CROT: variants seen among roughly 807,000 people sequenced by gnomAD.
The protein encoded by CROT is peroxisomal carnitine O-octanoyltransferase.
Under a neutral mutation model 89.2 loss-of-function variants are expected in CROT, and 84 were observed. The ratio of observed to expected loss-of-function variants is 0.94; its 90% CI spans 0.79 to 1.13. The LOEUF (loss-of-function observed/expected upper bound fraction) is 1.13. Ranked by LOEUF, CROT falls within the 50% of genes most tolerant of loss-of-function variation. CROT has a pLI of 0.00. For missense variants in CROT, 711 were observed against 727.8 expected, an observed-to-expected ratio of 0.98 and a Z score of 0.27; for synonymous variants, 212 against 239.5, an observed-to-expected ratio of 0.89 and a Z score of 1.06.
In CROT at chr7:87,391,726, A is replaced by G; in HGVS notation, c.1425+14A>G. The G allele has an allele frequency of 6.3e-7, 1 of 1,598,506 alleles. No individual in the cohort carries two copies. The highest frequency in any genetic ancestry group is 8.5e-7 in the Non-Finnish European group (1 of 1,175,534). ...CCTTCTGTCAATGTGAGTATTGGAA[A>G]GGAAAAAAACTCACAAGATTTGTTT... On this transcript the variant is annotated intron_variant, in intron 14 of 17. Coordinates refer to ENST00000331536, the MANE Select transcript of CROT (RefSeq NM_021151.4).
At position 87,359,267 on chromosome 7, in the gene CROT, A is replaced by T. The variant is rs369574948; in HGVS notation, c.177A>T (p.Gln59His). ...KKTEEIVQKF[Q>H]SGIGEKLHQK... Reference sequence around the variant, plus strand: ...CTGAAGAAATAGTTCAAAAATTTCAAAGTGGGATTGGAGAAAAATTGCACC... The same window carrying T: ...CTGAAGAAATAGTTCAAAAATTTCATAGTGGGATTGGAGAAAAATTGCACC... Residue 59 changes from glutamine (Q) to histidine (H), a missense_variant, in exon 4 of 18, where the codon CAA (glutamine) becomes CAT (histidine). Gln to His is a conservative substitution (Grantham distance 24). Coordinates refer to ENST00000331536, the MANE Select transcript of CROT (RefSeq NM_021151.4). 6.3e-7 allele frequency: 1 copy of T among 1,597,630 alleles called. No individual in the cohort carries two copies.
intron 3 of CROT, among the ~76,000 whole-genome samples, chr7:87,354,004 TAA>T (rs1805971280): frequency 6.6e-6 from 1 of 152,232 alleles, no homozygotes; most frequent in African/African-American, 2.4e-5. Flanking sequence ...TTTATAACTT[TAA>T]TAAATCCCAG....
Position 87,361,398 on chromosome 7 carries a change from G to C in CROT, c.249G>C (p.Glu83Asp). ...TTCTCAATTTCTTTTAGCTGGAAGAGTGGTGGCTGAATGTTGCCTATCTGG... is the reference window on the plus strand; with the variant it reads ...TTCTCAATTTCTTTTAGCTGGAAGACTGGTGGCTGAATGTTGCCTATCTGG... ...RAKGKRNWLE[E>D]WWLNVAYLDV... The change falls in exon 5 of 18, where the codon GAG (glutamate) becomes GAC (aspartate). Residue 83 changes from glutamate to aspartate, a missense_variant. Transcript: ENST00000331536. 1 of 1,613,140 alleles carries C rather than the reference G, an allele frequency of 6.2e-7. No homozygotes were observed. The highest frequency in any genetic ancestry group is 8.5e-7 in the Non-Finnish European group (1 of 1,179,788).
At chr7:87,350,691 A>G (rs945436655) in intron 3 of CROT, among the ~76,000 whole-genome samples, 6 of 152,208 alleles carry the variant, frequency 3.9e-5, no homozygotes, top group Admixed American at 3.9e-4. Flanking sequence ...AAGGATGAGC[A>G]TGCAATCTTA....
chr7:87,367,949 G>A (rs1416935404), intron 6 of CROT, among the ~76,000 whole-genome samples: 1 of 152,108 alleles, frequency 6.6e-6, no homozygotes, highest in Non-Finnish European at 1.5e-5. Flanking sequence ...ACAGCTGGAG[G>A]GATCTTTTTA....
intron 3 of CROT, among the ~76,000 whole-genome samples, chr7:87,355,778 A>G (rs1443507315): frequency 6.6e-6 from 1 of 152,172 alleles, no homozygotes. Flanking sequence ...AACCTGGGGA[A>G]TATGAGTATT....
rs772291596 is a variant in CROT at position 87,382,222 on chromosome 7, C to T, written c.1170+41C>T. 27 of 1,518,032 alleles carry T rather than the reference C, an allele frequency of 1.8e-5. No homozygotes were observed. In the African/African-American group the frequency reaches 3.1e-4, roughly 17 times the overall value. The allele number at this position is 1,518,032 out of a possible 1,614,324, so 94.0% of individuals were successfully genotyped here. On this transcript the variant is annotated intron_variant, in intron 12 of 17. Coordinates refer to ENST00000331536, the MANE Select transcript of CROT (RefSeq NM_021151.4). ...TTCTCTTAAATAATAATGATTTTTT[C>T]TTTTAACAACCATATGTAAAAATTT... is the stretch of plus-strand genomic sequence containing the variant.
intron 3 of CROT, among the ~76,000 whole-genome samples, chr7:87,351,425 A>C (rs1805867085): frequency 6.6e-6 from 1 of 151,862 alleles, no homozygotes; most frequent in Non-Finnish European, 1.5e-5. Context: ...GGTAAGCCTG[A>C]GGTTGATGAA....
At chr7:87,347,563 TAGAA>T (rs1387760542) in intron 2 of CROT, among the ~76,000 whole-genome samples, 1 of 152,234 alleles carries the variant, frequency 6.6e-6, no homozygotes, top group Non-Finnish European at 1.5e-5. Flanking sequence ...AGTCAATAGA[TAGAA>T]AGAAGCTAAA....
chr7:87,395,561 G>T (rs1352559151), intron 17 of CROT, among the ~76,000 whole-genome samples: 2 of 152,208 alleles, frequency 1.3e-5, no homozygotes, highest in African/African-American at 4.8e-5. Context: ...GACTGCCTTT[G>T]TCTGTAAAGC....
intron 15 of CROT, 35 bp downstream of exon 15, chr7:87,392,679 T>C: frequency 6.2e-7 from 1 of 1,610,348 alleles, no homozygotes; most frequent in African/African-American, 1.3e-5. Flanking sequence ...CTTAAAAATC[T>C]CTCATGGTGA....
At chr7:87,365,796 G>A (rs768334734) in intron 6 of CROT, among the ~76,000 whole-genome samples, 1 of 151,864 alleles carries the variant, frequency 6.6e-6, no homozygotes, top group African/African-American at 2.4e-5. Context: ...TGTAGAGACC[G>A]AGTTTTGCCA....
At chr7:87,378,996 C>T (rs760102299) in intron 10 of CROT, among the ~76,000 whole-genome samples, 8 of 152,220 alleles carry the variant, frequency 5.3e-5, no homozygotes, top group Non-Finnish European at 1.0e-4. Context: ...TTTGAGTCTA[C>T]TGTTGACAGA....
intron 12 of CROT, 56 bp downstream of exon 12, chr7:87,382,237 TG>T: frequency 6.7e-7 from 1 of 1,482,944 alleles, no homozygotes; most frequent in Middle Eastern, 1.8e-4. Context: ...AACAACCATA[TG>T]TAAAAATTTG....
chr7:87,361,455 C>T lies in CROT; in HGVS notation c.306C>T (p.Asn102=). Residue 102 remains asparagine, a synonymous_variant, in exon 5 of 18, where the codon AAC becomes AAT. Transcript: ENST00000331536. Reference sequence around the variant, plus strand: ...GTATACCATCACAATTGAATGTCAACTTTGCGGGTCCTGCAGCTCATTTTG... The same window carrying T: ...GTATACCATCACAATTGAATGTCAATTTTGCGGGTCCTGCAGCTCATTTTG... ...DVRIPSQLNV[N]FAGPAAHFEH... 2 of 1,613,994 alleles carry T rather than the reference C, an allele frequency of 1.2e-6. No individual in the cohort carries two copies. Among genetic ancestry groups the T allele is most frequent in the Non-Finnish European group, 1.7e-6 (2 of 1,179,964 alleles).
Position 87,382,093 on chromosome 7 carries a change from A to G in CROT, c.1082A>G (p.Asp361Gly). 6.2e-7 allele frequency: 1 copy of G among 1,612,910 alleles called. No individual in the cohort carries two copies. The change falls in exon 12 of 18, where the codon GAT (aspartate) becomes GGT (glycine). Residue 361 changes from aspartate (D) to glycine (G), a missense_variant. Coordinates refer to ENST00000331536, the MANE Select transcript of CROT (RefSeq NM_021151.4). ...GRWKGSEKVRDIPLPEELIFI... is the reference protein window; with the variant it reads ...GRWKGSEKVRGIPLPEELIFI... ...TTTCAGGGTTCAGAGAAGGTACGAG[A>G]TATACCACTTCCAGAAGAGCTCATT...
chr7:87,379,356 A>T (rs1806917222), intron 10 of CROT, among the ~76,000 whole-genome samples: 1 of 152,138 alleles, frequency 6.6e-6, no homozygotes, highest in South Asian at 2.1e-4. Context: ...TTTACCTATT[A>T]TTCTCATTTG....
intron 7 of CROT, among the ~76,000 whole-genome samples, chr7:87,373,842 A>G (rs1043336222): frequency 7.2e-5 from 11 of 152,112 alleles, no homozygotes; most frequent in Middle Eastern, 3.2e-3. Context: ...CAAATGGTCA[A>G]TGAAAAAGAC....
intron 13 of CROT, among the ~76,000 whole-genome samples, chr7:87,384,236 AT>A (rs1276710937): frequency 2.6e-5 from 4 of 152,000 alleles, no homozygotes; most frequent in Admixed American, 6.6e-5. Flanking sequence ...AGAAATGTCT[AT>A]TAAGATCATT....
Sources: gnomAD v4.1 joint callset for allele counts (sites outside exome capture counted in the v4.1 genomes callset) on GRCh38, gnomAD v4.1.1 for gene constraint, MANE v1.5 for transcripts, NCBI Gene and HGNC (gene_info 2026-07-23, HGNC 2026-07-21) for gene names.